OGDH: variants seen among roughly 807,000 people sequenced by gnomAD.
OGDH encodes 2-oxoglutarate dehydrogenase complex component E1.
A neutral mutation model predicts 116.6 loss-of-function variants in OGDH; 38 were observed. The ratio of observed to expected loss-of-function variants is 0.33; its 90% confidence interval spans 0.25 to 0.43. The LOEUF is 0.43. OGDH is among the 20% of genes least tolerant of loss of function. The pLI is 1.00. For missense variants in OGDH, 825 were observed against 1,357.2 expected (o/e 0.61, Z 6.16); for synonymous variants, 488 against 533.3 (o/e 0.92, Z 1.17).
chr7:44,677,446 G>A (rs909531171), intron 9 of OGDH, among the ~76,000 whole-genome samples: 1 of 152,166 alleles, frequency 6.6e-6, no homozygotes, highest in Non-Finnish European at 1.5e-5. Flanking sequence ...ATTTAGGGAG[G>A]TGGGAAGGGA....
At chr7:44,698,413 T>C (rs773551054) in intron 18 of OGDH, 150 bp downstream of exon 18, 3 of 776,192 alleles carry the variant, frequency 3.9e-6, no homozygotes, top group Non-Finnish European at 6.3e-6. Flanking sequence ...TGGACAGGTG[T>C]GGCCCCATGC....
At chr7:44,673,607 A>G (rs1787564733) in intron 5 of OGDH, among the ~76,000 whole-genome samples, 180 bp from the exon 6 acceptor site, 1 of 152,212 alleles carries the variant, frequency 6.6e-6, no homozygotes, top group South Asian at 2.1e-4. Context: ...TCATGACCCT[A>G]TGAAGAGGGC....
At chr7:44,636,255 G>A (rs1562628567) in intron 2 of OGDH, among the ~76,000 whole-genome samples, 1 of 152,232 alleles carries the variant, frequency 6.6e-6, no homozygotes. Flanking sequence ...GCTACTGCTG[G>A]GGGAAGGGAT....
In OGDH at chr7:44,655,988, T is replaced by C. The variant is rs1041254046; in HGVS notation, c.517+8229T>C. On this transcript the variant is annotated intron_variant, in intron 4 of 22. Coordinates refer to ENST00000222673, the MANE Select transcript of OGDH (RefSeq NM_002541.4). ...GTGACTTCCCAGGAAAGTGCTGTTA[T>C]CCGCCACTTCTTGAAGCTAAGGAGA... Among the ~76,000 whole-genome samples the C allele has an allele frequency of 4.3e-4, 66 of 152,246 alleles. 1 individual carries two copies. The highest frequency in any genetic ancestry group is 1.3e-4 in the Admixed American group (2 of 15,288).
intron 2 of OGDH, among the ~76,000 whole-genome samples, chr7:44,627,104 C>T (rs909115233): frequency 6.6e-6 from 1 of 152,216 alleles, no homozygotes; most frequent in Admixed American, 6.5e-5. Context: ...TCAAGCGATT[C>T]TCCTGCCTCA....
chr7:44,626,538 C>T (rs1047990596), intron 2 of OGDH, among the ~76,000 whole-genome samples: 3 of 152,176 alleles, frequency 2.0e-5, no homozygotes, highest in African/African-American at 7.2e-5. Context: ...TCCTAAATGA[C>T]AGTGCCTAGT....
intron 20 of OGDH, among the ~76,000 whole-genome samples, chr7:44,703,588 C>T (rs1026202804): frequency 2.0e-5 from 3 of 151,210 alleles, no homozygotes; most frequent in East Asian, 1.9e-4. Flanking sequence ...GGCATGGTGG[C>T]GCGCACCCGT....
intron 10 of OGDH, 66 bp from the exon 11 acceptor site, chr7:44,693,759 C>T (rs1788463078): frequency 1.4e-6 from 2 of 1,463,424 alleles, no homozygotes; most frequent in South Asian, 1.3e-5. Context: ...CGGCCTCAGC[C>T]CCGCCCTCTG....
At chr7:44,693,239 T>C (rs968255964) in intron 10 of OGDH, among the ~76,000 whole-genome samples, 10 of 149,674 alleles carry the variant, frequency 6.7e-5, no homozygotes, top group Non-Finnish European at 1.5e-4. Flanking sequence ...ACCCGGGAGG[T>C]GGAAGTTGCA....
At chr7:44,634,026 G>A (rs1250558584) in intron 2 of OGDH, among the ~76,000 whole-genome samples, 3 of 152,154 alleles carry the variant, frequency 2.0e-5, no homozygotes, top group African/African-American at 7.2e-5. Context: ...TGGCACCAGT[G>A]TAGCATGTCT....
intron 4 of OGDH, among the ~76,000 whole-genome samples, chr7:44,650,068 A>G (rs1034375015): frequency 1.5e-5 from 2 of 133,804 alleles, no homozygotes; most frequent in Non-Finnish European, 3.5e-5. Context: ...AGAGAGAGTC[A>G]GGGAGTAGTC....
chr7:44,659,536 A>C (rs1786844352), intron 4 of OGDH, among the ~76,000 whole-genome samples: 1 of 152,178 alleles, frequency 6.6e-6, no homozygotes, highest in Non-Finnish European at 1.5e-5. Flanking sequence ...GTTTTTCACA[A>C]GGTTTTTATT....
chr7:44,681,557 A>G (rs560389853), intron 9 of OGDH, among the ~76,000 whole-genome samples, 163 bp from the exon 10 acceptor site: 2 of 152,310 alleles, frequency 1.3e-5, no homozygotes, highest in Admixed American at 1.3e-4. Flanking sequence ...AGGTGCTAGC[A>G]TGTTGGGGAT....
intron 5 of OGDH, among the ~76,000 whole-genome samples, chr7:44,668,068 C>T (rs1787262656): frequency 6.6e-6 from 1 of 152,222 alleles, no homozygotes; most frequent in South Asian, 2.1e-4. Context: ...GGGATTAATG[C>T]TTGCTGCCGC....
intron 3 of OGDH, 167 bp from the exon 4 acceptor site, chr7:44,647,490 G>C: frequency 4.5e-6 from 7 of 1,539,932 alleles, no homozygotes; most frequent in African/African-American, 1.4e-5. Flanking sequence ...GGAATTAGTT[G>C]TGTAAATTTT....
intron 2 of OGDH, among the ~76,000 whole-genome samples, chr7:44,638,456 T>C (rs1394042444): frequency 1.3e-5 from 2 of 152,206 alleles, no homozygotes; most frequent in Non-Finnish European, 2.9e-5. Flanking sequence ...TGCTATTAGA[T>C]TGTGTATTCT....
At chr7:44,633,471 C>A (rs990418907) in intron 2 of OGDH, among the ~76,000 whole-genome samples, 2 of 151,976 alleles carry the variant, frequency 1.3e-5, no homozygotes, top group Non-Finnish European at 2.9e-5. Context: ...AGGTTAGTGC[C>A]GGTTTTTTAG....
At chr7:44,684,207 GC>G (rs1282943186) in intron 10 of OGDH, among the ~76,000 whole-genome samples, 1 of 152,178 alleles carries the variant, frequency 6.6e-6, no homozygotes, top group Non-Finnish European at 1.5e-5. Flanking sequence ...CCATCAGCCA[GC>G]GCCTGAGGAA....
chr7:44,608,506 C>G (rs1442039520), intron 1 of OGDH, among the ~76,000 whole-genome samples: 1 of 152,050 alleles, frequency 6.6e-6, no homozygotes, highest in Non-Finnish European at 1.5e-5. Flanking sequence ...TGAGACCAGC[C>G]TGGCCAACAT....
Sources: gnomAD v4.1 joint callset for allele counts (sites outside exome capture counted in the v4.1 genomes callset) on GRCh38, gnomAD v4.1.1 for gene constraint, MANE v1.5 for transcripts, NCBI Gene and HGNC (gene_info 2026-07-23, HGNC 2026-07-21) for gene names.